GLG1: variants seen among roughly 807,000 people sequenced by gnomAD.
GLG1 encodes golgi glycoprotein 1.
Under a neutral mutation model 160.5 loss-of-function variants are expected in GLG1, and 38 were observed. That is an observed-to-expected ratio of 0.24 (90% CI 0.18 to 0.31). The LOEUF is 0.31. GLG1 is among the 10% of genes least tolerant of loss of function. The probability of loss-of-function intolerance (pLI) is 1.00; values close to 1 mark genes in which losing one functional copy is unlikely to be tolerated. For missense variants in GLG1, 1,373 were observed against 1,505.2 expected, an observed-to-expected ratio of 0.91 and a Z score of 1.45; for synonymous variants, 644 against 543.4, an observed-to-expected ratio of 1.19 and a Z score of -2.57.
chr16:74,497,799 T>C (rs1396406346), intron 4 of GLG1, among the ~76,000 whole-genome samples: 1 of 152,194 alleles, frequency 6.6e-6, no homozygotes, highest in Non-Finnish European at 1.5e-5. Context: ...AGTTAGAGAC[T>C]TTCTTGCTCC....
At chr16:74,550,245 G>A (rs1342597054) in intron 1 of GLG1, among the ~76,000 whole-genome samples, 2 of 152,204 alleles carry the variant, frequency 1.3e-5, no homozygotes, top group Admixed American at 6.5e-5. Flanking sequence ...CTGAAGTTGA[G>A]TAAGAGAGTC....
chr16:74,574,882 TCAAAAAAAAAA>T (rs1414807616), intron 1 of GLG1, among the ~76,000 whole-genome samples: 2 of 3,730 alleles, frequency 5.4e-4, no homozygotes, highest in African/African-American at 1.6e-3. Flanking sequence ...AGACTCTGTC[TCAAAAAAAAAA>T]AAAAAAAAAA....
intron 1 of GLG1, among the ~76,000 whole-genome samples, chr16:74,578,602 C>T (rs543411631): frequency 6.6e-6 from 1 of 152,110 alleles, no homozygotes; most frequent in Non-Finnish European, 1.5e-5. Context: ...AACCTGATAG[C>T]GCTCTGACTT....
chr16:74,555,574 T>C (rs1409468132), intron 1 of GLG1, among the ~76,000 whole-genome samples: 2 of 151,970 alleles, frequency 1.3e-5, no homozygotes, highest in East Asian at 1.9e-4. Context: ...CCTGTAGTCC[T>C]AGCTGCTTGG....
At chr16:74,586,785 A>T (rs1958063559) in intron 1 of GLG1, among the ~76,000 whole-genome samples, 1 of 151,174 alleles carries the variant, frequency 6.6e-6, no homozygotes, top group Non-Finnish European at 1.5e-5. Flanking sequence ...TGCAACCTCC[A>T]CTTCCTGGGT....
At position 74,452,065 on chromosome 16, in the gene GLG1, ACTGC is replaced by A; in HGVS notation, c.*1098_*1101del. 6.2e-6 allele frequency: 10 copies of A among 1,611,436 alleles called. No individual in the cohort carries two copies. The African/African-American group carries it at 6.7e-5, about 11-fold the overall frequency. ...GGAGTGTGCAGAAAGGTCAGGCTGG[ACTGC>A]CTGTCACATCCTGAGACCACACTAA... On this transcript the variant is annotated 3_prime_UTR_variant, in exon 26 of 26. Coordinates refer to ENST00000422840, the MANE Select transcript of GLG1 (RefSeq NM_001145667.2).
intron 25 of GLG1, among the ~76,000 whole-genome samples, chr16:74,453,877 A>G (rs1407013389): frequency 1.4e-5 from 2 of 144,286 alleles, no homozygotes; most frequent in South Asian, 4.4e-4. Flanking sequence ...TGTAAATTCT[A>G]TTTTTTTTTT....
At chr16:74,600,410 A>C (rs1487546610) in intron 1 of GLG1, among the ~76,000 whole-genome samples, 3 of 151,994 alleles carry the variant, frequency 2.0e-5, no homozygotes, top group Non-Finnish European at 4.4e-5. Flanking sequence ...AAAAAGAACA[A>C]GGACAAAGCT....
intron 1 of GLG1, among the ~76,000 whole-genome samples, chr16:74,546,838 A>AAAAAAAAAG (rs2018061953): frequency 6.4e-5 from 1 of 15,530 alleles, no homozygotes; most frequent in East Asian, 1.3e-3. Context: ...ACTCCATCTC[A>AAAAAAAAAG]AAAAAAAAAA....
intron 1 of GLG1, among the ~76,000 whole-genome samples, chr16:74,538,012 T>G (rs940893212): frequency 3.3e-5 from 5 of 151,956 alleles, no homozygotes; most frequent in Admixed American, 6.6e-5. Context: ...TGTCCCAGTT[T>G]CTGAAACAGA....
chr16:74,529,032 T>C (rs368184529), intron 2 of GLG1, among the ~76,000 whole-genome samples: 65 of 150,560 alleles, frequency 4.3e-4, no homozygotes, highest in Admixed American at 7.3e-4. Context: ...AGTGGTACGA[T>C]AGTGGTTCAC....
At chr16:74,465,544 G>C (rs2014968427) in intron 19 of GLG1, 132 bp downstream of exon 19, 1 of 864,426 alleles carries the variant, frequency 1.2e-6, no homozygotes, top group African/African-American at 1.7e-5. Context: ...CAGGCTCCCA[G>C]GGGGTGCTGC....
At chr16:74,490,569 T>C (rs1465584586) in intron 8 of GLG1, among the ~76,000 whole-genome samples, 1 of 152,188 alleles carries the variant, frequency 6.6e-6, no homozygotes, top group Non-Finnish European at 1.5e-5. Flanking sequence ...TTTAGAAACT[T>C]AGAAAAAATT....
rs2014277496 is a variant in GLG1, at chr16:74,451,127, C to G, written c.*2040G>C. ...ATTCCTGGCTCTTGATATTAGGCCT[C>G]AGCGGCCCCCAGCCCCCAGGGGAAC... On this transcript the variant is annotated 3_prime_UTR_variant, in exon 26 of 26. Transcript: ENST00000422840. The G allele has an allele frequency of 6.6e-6, 1 of 152,370 alleles. No individual in the cohort carries two copies. The allele number at this position is 152,370 out of a possible 1,614,324, so 9.4% of individuals were successfully genotyped here.
intron 1 of GLG1, among the ~76,000 whole-genome samples, chr16:74,590,159 A>G (rs1033166492): frequency 6.6e-6 from 1 of 151,394 alleles, no homozygotes; most frequent in African/African-American, 2.4e-5. Context: ...CACCACACCC[A>G]CCTAAGTTTT....
intron 3 of GLG1, among the ~76,000 whole-genome samples, chr16:74,505,827 C>A (rs1597281133): frequency 6.6e-6 from 1 of 152,002 alleles, no homozygotes; most frequent in South Asian, 2.1e-4. Flanking sequence ...TGCATTCCAC[C>A]CTGGGCAACA....
At chr16:74,574,455 T>C (rs1294055591) in intron 1 of GLG1, among the ~76,000 whole-genome samples, 1 of 152,210 alleles carries the variant, frequency 6.6e-6, no homozygotes, top group African/African-American at 2.4e-5. Flanking sequence ...AACTGCTCTG[T>C]TGACTAGCTA....
chr16:74,564,447 C>A (rs1159794361), intron 1 of GLG1, among the ~76,000 whole-genome samples: 1 of 152,218 alleles, frequency 6.6e-6, no homozygotes, highest in Non-Finnish European at 1.5e-5. Context: ...AGTCTCCCTG[C>A]TGCATTATAT....
At chr16:74,482,185 T>C (rs1417340349) in intron 10 of GLG1, among the ~76,000 whole-genome samples, 1 of 151,932 alleles carries the variant, frequency 6.6e-6, no homozygotes, top group East Asian at 1.9e-4. Flanking sequence ...AGAGACAAGG[T>C]CTTGCTATGT....
Sources: gnomAD v4.1 joint callset for allele counts (sites outside exome capture counted in the v4.1 genomes callset) on GRCh38, gnomAD v4.1.1 for gene constraint, MANE v1.5 for transcripts, NCBI Gene and HGNC (gene_info 2026-07-23, HGNC 2026-07-21) for gene names.